The following RBFOX2 variants were observed in gnomAD, a reference collection of about 807,000 sequenced individuals.
RBFOX2 encodes RNA binding fox-1 homolog 2.
Under a neutral mutation model 49.1 loss-of-function variants are expected in RBFOX2, and 10 were observed. The ratio of observed to expected loss-of-function variants is 0.20; its 90% CI spans 0.13 to 0.35. The LOEUF is 0.35. RBFOX2 is among the 10% of genes least tolerant of loss of function. RBFOX2 has a pLI of 1.00. For missense variants in RBFOX2, 323 were observed against 486.9 expected (o/e 0.66, Z 3.17); for synonymous variants, 183 against 187.4 (o/e 0.98, Z 0.19).
chr22:35,740,900 G>A (rs1929611119), exon 12 of RBFOX2: 1 of 152,196 alleles, frequency 6.6e-6, no homozygotes, highest in South Asian at 2.1e-4. Context: ...GAGCAGTTTA[G>A]CCCCTGAGGA....
At position 35,840,078 on chromosome 22, in the gene RBFOX2, C is replaced by A. The variant is rs1207722930; in HGVS notation, c.27+114G>T. On this transcript the variant is annotated intron_variant, in intron 1 of 11. Transcript: ENST00000405409. ...TTCAGCTGATAACAATAAATCTGGTCTGTTCTAAGAAGACAATAATGATTA... is the reference window on the plus strand; with the variant it reads ...TTCAGCTGATAACAATAAATCTGGTATGTTCTAAGAAGACAATAATGATTA... The A allele has an allele frequency of 2.9e-6, 4 of 1,388,042 alleles. No individual in the cohort carries two copies. The South Asian group carries it at 4.7e-5, about 16-fold the overall frequency. 86.0% of individuals were successfully genotyped at this position (1,388,042 alleles called of 1,614,324 possible). A position where few individuals can be genotyped will look rare whatever the true frequency, so the allele number is the denominator to read the frequency against.
intron 1 of RBFOX2, among the ~76,000 whole-genome samples, chr22:35,908,169 T>A (rs1156327008): frequency 6.6e-6 from 1 of 152,224 alleles, no homozygotes; most frequent in Non-Finnish European, 1.5e-5. Flanking sequence ...ATTCGTATAA[T>A]GAGAAACAGT....
chr22:35,956,189 T>C (rs1481378728), intron 1 of RBFOX2, among the ~76,000 whole-genome samples: 1 of 152,184 alleles, frequency 6.6e-6, no homozygotes, highest in Non-Finnish European at 1.5e-5. Flanking sequence ...CATCAAAAAA[T>C]TCACATTCAC....
chr22:35,744,249 C>A (rs775230159), exon 12 of RBFOX2: 1 of 1,610,158 alleles, frequency 6.2e-7, no homozygotes, highest in Non-Finnish European at 8.5e-7. Context: ...TATAAACTCG[C>A]CTGCAGTAAT....
intron 1 of RBFOX2, among the ~76,000 whole-genome samples, chr22:35,958,201 G>T (rs1176530797): frequency 1.3e-5 from 2 of 152,032 alleles, no homozygotes; most frequent in Non-Finnish European, 2.9e-5. Flanking sequence ...CATTGCTATT[G>T]AACATGATGT....
At chr22:35,815,962 T>G (rs1403066978) in intron 1 of RBFOX2, among the ~76,000 whole-genome samples, 1 of 152,170 alleles carries the variant, frequency 6.6e-6, no homozygotes, top group Non-Finnish European at 1.5e-5. Flanking sequence ...CTAAAAGCAG[T>G]GGCTTCTGCC....
intron 1 of RBFOX2, among the ~76,000 whole-genome samples, chr22:35,835,868 G>A (rs1957562642): frequency 6.6e-6 from 1 of 151,974 alleles, no homozygotes; most frequent in African/African-American, 2.4e-5. Flanking sequence ...TGGCCTCAGC[G>A]AAGAAATGAT....
At chr22:35,858,072 C>T (rs1252171762) in intron 1 of RBFOX2, among the ~76,000 whole-genome samples, 4 of 152,130 alleles carry the variant, frequency 2.6e-5, no homozygotes, top group African/African-American at 9.7e-5. Flanking sequence ...TTTCAGAGCA[C>T]TGTTTTAGTA....
At chr22:35,915,777 C>CCT (rs962663662) in intron 1 of RBFOX2, among the ~76,000 whole-genome samples, 5 of 152,122 alleles carry the variant, frequency 3.3e-5, no homozygotes, top group Non-Finnish European at 7.4e-5. Flanking sequence ...TAAGCCATAC[C>CCT]CTCTCCCAGG....
In RBFOX2 at chr22:35,918,757, G is replaced by A. The variant is rs1045745414; in HGVS notation, c.-34+20090C>T. Among the ~76,000 whole-genome samples, 15 of 152,222 alleles carry A rather than the reference G, an allele frequency of 9.9e-5. No individual in the cohort carries two copies. In the East Asian group the frequency reaches 2.1e-3, roughly 22 times the overall value. ...ACAATGAGCTCCCTGAATACTGCAC[G>A]TGTTCGGGTCAAAAGAGCTGCCACT... On this transcript the variant is annotated intron_variant, in intron 1 of 13. Transcript: ENST00000359369.
chr22:35,807,611 T>G (rs1380792470), intron 2 of RBFOX2, among the ~76,000 whole-genome samples: 1 of 152,020 alleles, frequency 6.6e-6, no homozygotes, highest in East Asian at 1.9e-4. Flanking sequence ...AAACTTTCTG[T>G]GTTTACAGTT....
chr22:35,777,862 C>T, intron 4 of RBFOX2, 163 bp downstream of exon 5: 1 of 677,726 alleles, frequency 1.5e-6, no homozygotes. Context: ...TAAAGTTTGG[C>T]CATGTGGTAG....
chr22:36,012,456 C>T (rs906213271), intron 1 of RBFOX2, among the ~76,000 whole-genome samples: 2 of 152,092 alleles, frequency 1.3e-5, no homozygotes, highest in Admixed American at 6.6e-5. Context: ...AAACATAACA[C>T]GGAAGCTGGG....
chr22:35,935,224 C>A (rs935494522), intron 1 of RBFOX2, among the ~76,000 whole-genome samples: 5 of 152,216 alleles, frequency 3.3e-5, no homozygotes, highest in African/African-American at 1.2e-4. Context: ...ATGTAAGCCA[C>A]TGCACTTGGT....
chr22:35,763,076 T>A (rs1231820858), intron 6 of RBFOX2, among the ~76,000 whole-genome samples: 1 of 152,134 alleles, frequency 6.6e-6, no homozygotes, highest in Non-Finnish European at 1.5e-5. Flanking sequence ...AATTAAGAGA[T>A]TCCAACCAAC....
intron 1 of RBFOX2, among the ~76,000 whole-genome samples, chr22:35,988,834 T>G (rs2057839350): frequency 6.6e-6 from 1 of 152,200 alleles, no homozygotes; most frequent in South Asian, 2.1e-4. Context: ...AACAGTAGCT[T>G]CAGCAGCTGG....
Position 35,778,700 on chromosome 22 carries a change from G to T in RBFOX2, c.400-622C>A, listed in dbSNP as rs13053898. ...CACCCAGGCTGGAGTCCAGTGGCAC[G>T]ATCTTGGCTCTCTGTAACCTCTGCC... On this transcript the variant is annotated intron_variant, in intron 3 of 11. Coordinates refer to ENST00000405409, the Ensembl canonical transcript of RBFOX2. 1.9e-4 allele frequency among the ~76,000 whole-genome samples: 29 copies of T among 151,006 alleles called. 1 individual carries two copies. The highest frequency in any genetic ancestry group is 1.5e-3 in the Admixed American group (23 of 15,170).
intron 1 of RBFOX2, chr22:35,998,407 G>A (rs1440002021): frequency 6.6e-6 from 1 of 151,660 alleles, no homozygotes; most frequent in East Asian, 1.9e-4. Flanking sequence ...ACGGAGTTTC[G>A]CTCTTGTCGC....
rs778813438 is a variant in RBFOX2, at chr22:35,872,426, G to A, written c.-33-62422C>T. ...AATCAGACCCTCTACCTTGTTGCAA[G>A]GACAGAGGGCTTTCTGTATCCCGGG... is the stretch of plus-strand genomic sequence containing the variant. On this transcript the variant is annotated intron_variant, in intron 1 of 13. Coordinates refer to the RBFOX2 transcript ENST00000359369. Among the ~76,000 whole-genome samples, 218 of 152,180 alleles carry A rather than the reference G, an allele frequency of 1.4e-3. 4 individuals are homozygous for A. Among genetic ancestry groups the A allele is most frequent in the Non-Finnish European group, 2.4e-4 (16 of 68,024 alleles).
Sources: gnomAD v4.1 joint callset for allele counts (sites outside exome capture counted in the v4.1 genomes callset) on GRCh38, gnomAD v4.1.1 for gene constraint, MANE v1.5 for transcripts, NCBI Gene and HGNC (gene_info 2026-07-23, HGNC 2026-07-21) for gene names.